The following HDAC9 variants were observed in gnomAD, a reference collection of about 807,000 sequenced individuals.
HDAC9 encodes the protein histone deacetylase 9.
Under a neutral mutation model 139.4 loss-of-function variants are expected in HDAC9, and 41 were observed. The observed-to-expected ratio is 0.29, with a 90% CI of 0.23 to 0.38. HDAC9 has a LOEUF of 0.38. Among genes scored for constraint, HDAC9 ranks in the 10% least tolerant of loss-of-function variants. The pLI, the probability that HDAC9 is intolerant of heterozygous loss-of-function variation, is 1.00. For synonymous variants in HDAC9, 517 were observed against 476.2 expected (o/e 1.09, Z -1.12); for missense variants, 1,147 against 1,297.0 (o/e 0.88, Z 1.78).
At chr7:18,493,173 T>G (rs1288495943), upstream of HDAC9, among the ~76,000 whole-genome samples, 1 of 151,892 alleles carries the variant, frequency 6.6e-6, no homozygotes, top group Non-Finnish European at 1.5e-5. Flanking sequence ...CTGAGAGATC[T>G]TTTTTTATCA....
chr7:18,334,166 T>G (rs1421316238), intron 1 of HDAC9, among the ~76,000 whole-genome samples: 1 of 151,506 alleles, frequency 6.6e-6, no homozygotes, highest in Non-Finnish European at 1.5e-5. Flanking sequence ...TTCCAATGAC[T>G]GTTTTTGAAG....
intron 2 of HDAC9, among the ~76,000 whole-genome samples, chr7:18,504,809 A>T (rs1322352013): frequency 1.3e-5 from 2 of 152,234 alleles, no homozygotes; most frequent in African/African-American, 4.8e-5. Flanking sequence ...ATTCAGAGAG[A>T]TAAGAAATTT....
chr7:18,419,223 A>G (rs907809607), intron 1 of HDAC9, among the ~76,000 whole-genome samples: 1 of 152,220 alleles, frequency 6.6e-6, no homozygotes, highest in Non-Finnish European at 1.5e-5. Flanking sequence ...TTTGTCATGA[A>G]CATATGACCA....
At chr7:18,833,707 T>C in intron 19 of HDAC9, among the ~76,000 whole-genome samples, 1 of 152,194 alleles carries the variant, frequency 6.6e-6, no homozygotes. Flanking sequence ...TGAAACAACT[T>C]TCTGGGATGA....
At chr7:18,915,558 A>G (rs557945809) in intron 22 of HDAC9, among the ~76,000 whole-genome samples, 5 of 152,058 alleles carry the variant, frequency 3.3e-5, no homozygotes, top group Admixed American at 2.0e-4. Context: ...TGAACAAATG[A>G]AAGAATGACA....
At chr7:18,258,222 A>C (rs549361345) in intron 2 of HDAC9, among the ~76,000 whole-genome samples, 1 of 152,324 alleles carries the variant, frequency 6.6e-6, no homozygotes, top group East Asian at 1.9e-4. Flanking sequence ...CTTTACCCAA[A>C]CATTGGGAAG....
At chr7:18,371,740 C>A (rs1489440519) in intron 1 of HDAC9, among the ~76,000 whole-genome samples, 1 of 151,856 alleles carries the variant, frequency 6.6e-6, no homozygotes, top group African/African-American at 2.4e-5. Context: ...GGTTTTTTTC[C>A]TTCATAGTTG....
intron 2 of HDAC9, among the ~76,000 whole-genome samples, chr7:18,177,384 A>T (rs1789004578): frequency 6.6e-6 from 1 of 152,188 alleles, no homozygotes; most frequent in Admixed American, 6.5e-5. Flanking sequence ...TGTATAAGAA[A>T]TGTCAGTGGC....
At chr7:18,841,555 G>A (rs1796585673) in intron 21 of HDAC9, among the ~76,000 whole-genome samples, 1 of 152,120 alleles carries the variant, frequency 6.6e-6, no homozygotes, top group South Asian at 2.1e-4. Flanking sequence ...ATGTCACACA[G>A]CTGGTATATG....
chr7:18,144,681 G>A lies in HDAC9; in HGVS notation c.-96-17548G>A, dbSNP rs183238933. Among the ~76,000 whole-genome samples, 5 of 151,740 alleles carry A rather than the reference G, an allele frequency of 3.3e-5. No homozygotes were observed. The South Asian group carries it at 8.3e-4, about 25-fold the overall frequency. ...TGAAAGCCTCTCTGCTCTCCTTTTC[G>A]TGATCTGCCCTGATAAGTTTCTTCT... is the stretch of plus-strand genomic sequence containing the variant. On this transcript the variant is annotated intron_variant, in intron 1 of 12. Coordinates refer to the HDAC9 transcript ENST00000417496.
At chr7:18,494,273 A>C (rs1013336013), upstream of HDAC9, among the ~76,000 whole-genome samples, 13 of 152,058 alleles carry the variant, frequency 8.5e-5, no homozygotes, top group African/African-American at 3.1e-4. Flanking sequence ...GGAATTCAGC[A>C]GTGGCCTATT....
At chr7:18,284,189 G>T (rs1421438720) in intron 2 of HDAC9, among the ~76,000 whole-genome samples, 2 of 152,040 alleles carry the variant, frequency 1.3e-5, no homozygotes, top group Non-Finnish European at 2.9e-5. Flanking sequence ...TGTATTACTT[G>T]ATTTTATGAT....
chr7:18,499,365 A>G (rs1416655718), intron 2 of HDAC9, among the ~76,000 whole-genome samples: 3 of 152,004 alleles, frequency 2.0e-5, no homozygotes, highest in Non-Finnish European at 4.4e-5. Flanking sequence ...TTTTTTTGAT[A>G]TTGACTCGGC....
chr7:18,678,747 T>G lies in HDAC9; in HGVS notation c.1731+12271T>G, dbSNP rs1342491425. ...TTTCTGCCATTTTGGGGTCTGCTAC[T>G]ACTGCTTAATTTTTCTCTTGAATAT... On this transcript the variant is annotated intron_variant, in intron 12 of 25. Transcript: ENST00000686413. 2.0e-5 allele frequency among the ~76,000 whole-genome samples: 3 copies of G among 152,102 alleles called. No homozygotes were observed. The South Asian group carries it at 6.2e-4, about 32-fold the overall frequency.
intron 19 of HDAC9, among the ~76,000 whole-genome samples, chr7:18,834,462 TC>T (rs1200334377): frequency 2.0e-5 from 3 of 151,750 alleles, no homozygotes; most frequent in Admixed American, 6.6e-5. Flanking sequence ...ATTTCTTATA[TC>T]AATTCTGGCA....
At chr7:18,989,487 T>C (rs1303365215) in intron 25 of HDAC9, among the ~76,000 whole-genome samples, 1 of 150,652 alleles carries the variant, frequency 6.6e-6, no homozygotes, top group African/African-American at 2.4e-5. Flanking sequence ...GCCCTTAACA[T>C]TTTTTCCTTC....
chr7:18,492,056 A>C (rs565103824), upstream of HDAC9, among the ~76,000 whole-genome samples: 3 of 152,146 alleles, frequency 2.0e-5, no homozygotes, highest in Admixed American at 2.0e-4. Flanking sequence ...ACAGCCGCCT[A>C]ACATGATGCA....
At chr7:18,261,112 G>A (rs893207664) in intron 2 of HDAC9, among the ~76,000 whole-genome samples, 6 of 151,526 alleles carry the variant, frequency 4.0e-5, no homozygotes, top group African/African-American at 7.3e-5. Flanking sequence ...AGACCAGCCC[G>A]GGCAACATAA....
At chr7:18,153,759 T>A (rs753559975) in intron 1 of HDAC9, among the ~76,000 whole-genome samples, 3 of 152,190 alleles carry the variant, frequency 2.0e-5, no homozygotes, top group Non-Finnish European at 4.4e-5. Flanking sequence ...ACAGAATCAG[T>A]GCCAATGTGG....
Sources: allele counts gnomAD v4.1 joint callset (sites outside exome capture counted in the v4.1 genomes callset), GRCh38; gene constraint gnomAD v4.1.1; transcripts MANE v1.5; gene names NCBI Gene and HGNC (gene_info 2026-07-23, HGNC 2026-07-21).